Variants in PCDHGB2 observed in about 807,000 individuals in gnomAD.
The protein encoded by PCDHGB2 is protocadherin gamma subfamily B, 2.
PCDHGB2 carries 55 observed loss-of-function variants against 59.3 expected under a neutral mutation model. The observed-to-expected ratio is 0.93, with a 90% confidence interval of 0.75 to 1.16. The LOEUF is 1.16. PCDHGB2 is among the 50% of genes most tolerant of loss of function. The pLI is 0.00. For missense variants in PCDHGB2, 1,228 were observed against 1,198.5 expected (o/e 1.02, Z -0.36); for synonymous variants, 516 against 512.0 (o/e 1.01, Z -0.11).
In PCDHGB2 at chr5:141,432,262, A is replaced by G; in HGVS notation, c.2422-62545A>G. 1.9e-6 allele frequency: 3 copies of G among 1,614,222 alleles called. No homozygotes were observed. Among genetic ancestry groups the G allele is most frequent in the Non-Finnish European group, 2.5e-6 (3 of 1,180,036 alleles). On this transcript the variant is annotated intron_variant, in intron 1 of 3. Coordinates refer to ENST00000522605, the MANE Select transcript of PCDHGB2 (RefSeq NM_018923.3). This position sits in a 1 kb window ranked among gnomAD's most constrained non-coding sequence, Gnocchi z 6.0. ...AGAACACCATCCAAGGGGCAAGCCT[A>G]TCGTCCTACGTGTCCATCAACTCCG...
Position 141,489,662 on chromosome 5 carries a change from G to T in PCDHGB2, c.2422-5145G>T, listed in dbSNP as rs2233601. On this transcript the variant is annotated intron_variant, in intron 1 of 3. Transcript: ENST00000522605. The surrounding 1 kb of genome is among the most constrained non-coding windows in gnomAD (Gnocchi z 4.5). Reference sequence around the variant, plus strand: ...TTTGCCACCCCTGAGCGAGAGATGCGCATCTCAGAATCAGCAGCATCTGGG... The same window carrying T: ...TTTGCCACCCCTGAGCGAGAGATGCTCATCTCAGAATCAGCAGCATCTGGG... 2.5e-6 allele frequency: 4 copies of T among 1,614,024 alleles called. No homozygotes were observed. The African/African-American group carries it at 4.0e-5, about 16-fold the overall frequency.
intron 1 of PCDHGB2, chr5:141,419,208 C>G: frequency 5.6e-6 from 9 of 1,613,966 alleles, no homozygotes; most frequent in Non-Finnish European, 6.8e-6. Flanking sequence ...GACAACGCGC[C>G]GGTTTTCGGA....
At chr5:141,383,386 G>A in intron 1 of PCDHGB2, 1 of 1,614,000 alleles carries the variant, frequency 6.2e-7, no homozygotes. Context: ...TCCAGATGTG[G>A]GCACGAACTC....
In PCDHGB2 at chr5:141,370,188, T is replaced by G. The variant is rs1036214596; in HGVS notation, c.2421+7632T>G. ...AGAGGCGCCGGGTGCCGCTCTTGGCTAGTGCTGTGCAAAATATTGGCTCCT... is the reference window on the plus strand; with the variant it reads ...AGAGGCGCCGGGTGCCGCTCTTGGCGAGTGCTGTGCAAAATATTGGCTCCT... On this transcript the variant is annotated intron_variant, in intron 1 of 3. Transcript: ENST00000522605. 2.9e-4 allele frequency: 151 copies of G among 511,926 alleles called. 1 individual carries two copies. In the East Asian group the frequency reaches 4.2e-3, roughly 14 times the overall value. 31.7% of individuals were successfully genotyped at this position (511,926 alleles called of 1,614,324 possible).
chr5:141,394,276 C>T, intron 1 of PCDHGB2: 2 of 1,613,976 alleles, frequency 1.2e-6, no homozygotes, highest in South Asian at 1.1e-5. Flanking sequence ...GCCCAGGTCA[C>T]TTACTCTGTG....
chr5:141,417,533 A>T (rs1253836392), intron 1 of PCDHGB2: 3 of 274,888 alleles, frequency 1.1e-5, no homozygotes, highest in African/African-American at 2.2e-5. Context: ...CTCGTAGTTT[A>T]AAAAAAATTC....
chr5:141,384,259 C>T, intron 1 of PCDHGB2: 2 of 1,613,886 alleles, frequency 1.2e-6, no homozygotes, highest in African/African-American at 1.3e-5. Flanking sequence ...CACCTTCCCC[C>T]ACTCATCCTA....
At chr5:141,371,656 C>G (rs772257649) in intron 1 of PCDHGB2, 2 of 1,614,004 alleles carry the variant, frequency 1.2e-6, no homozygotes, top group Non-Finnish European at 1.7e-6. Flanking sequence ...TACAATGTGA[C>G]GATCACAGCT....
chr5:141,446,639 G>T (rs1461520959), intron 1 of PCDHGB2, among the ~76,000 whole-genome samples: 7 of 152,116 alleles, frequency 4.6e-5, no homozygotes, highest in Non-Finnish European at 8.8e-5. Flanking sequence ...ACCACGCCTG[G>T]CTAATTTTTG....
chr5:141,394,347 G>A lies in PCDHGB2; in HGVS notation c.2421+31791G>A, dbSNP rs770737407. 1.9e-6 allele frequency: 3 copies of A among 1,614,118 alleles called. No homozygotes were observed. The South Asian group carries it at 3.3e-5, about 18-fold the overall frequency. On this transcript the variant is annotated intron_variant, in intron 1 of 3. Coordinates refer to ENST00000522605, the MANE Select transcript of PCDHGB2 (RefSeq NM_018923.3). ...GTATATCTCCATCAACTCTGACACC[G>A]GTGTCCTGTATGCGCTGCAATCTTT...
Position 141,418,795 on chromosome 5 carries a change from A to G in PCDHGB2, c.2421+56239A>G, listed in dbSNP as rs373690093. The G allele has an allele frequency of 6.8e-6, 11 of 1,613,740 alleles. No homozygotes were observed. The African/African-American group carries it at 1.5e-4, about 22-fold the overall frequency. On this transcript the variant is annotated intron_variant, in intron 1 of 3. Transcript: ENST00000522605. Reference sequence around the variant, plus strand: ...AGCAGCCTTTGGATTTTGAAGAAGTAGAAAGATATACGATAAACATAGAAG... The same window carrying G: ...AGCAGCCTTTGGATTTTGAAGAAGTGGAAAGATATACGATAAACATAGAAG...
rs2094486958 is a variant in PCDHGB2, at chr5:141,404,117, A to C, written c.2421+41561A>C. 3 of 1,613,468 alleles carry C rather than the reference A, an allele frequency of 1.9e-6. No homozygotes were observed. Among genetic ancestry groups the C allele is most frequent in the Non-Finnish European group, 1.7e-6 (2 of 1,179,548 alleles). On this transcript the variant is annotated intron_variant, in intron 1 of 3. Coordinates refer to ENST00000522605, the MANE Select transcript of PCDHGB2 (RefSeq NM_018923.3). ...TCAAGTTGTCTGTTCTATCCAGGAG[A>C]ATCTATCTTTTACATTAGAAAATTC...
chr5:141,366,187 T>G (rs1297939104), intron 1 of PCDHGB2: 4 of 1,613,856 alleles, frequency 2.5e-6, no homozygotes, highest in African/African-American at 1.3e-5. Flanking sequence ...TCTTTGCGGT[T>G]GGGCTGCACA....
rs67622091 is a variant in PCDHGB2 at position 141,388,335 on chromosome 5, C to T, written c.2421+25779C>T. ...AAGTGAGTCTGCACAGCCTGGCACA[C>T]GATTTATATTAGGATCTGCCCATGA... On this transcript the variant is annotated intron_variant, in intron 1 of 3. Transcript: ENST00000522605. 13 of 1,613,842 alleles carry T rather than the reference C, an allele frequency of 8.1e-6. No homozygotes were observed. In the East Asian group the frequency reaches 1.8e-4, roughly 22 times the overall value.
At chr5:141,374,378 A>ACCCCCC (rs1425489237) in intron 1 of PCDHGB2, 1 of 1,614,038 alleles carries the variant, frequency 6.2e-7, no homozygotes, top group Admixed American at 1.7e-5. Context: ...CTGTGCTCAG[A>ACCCCCC]GCCCGCGGTG....
intron 1 of PCDHGB2, chr5:141,399,842 A>T (rs749737928): frequency 6.2e-7 from 1 of 1,612,970 alleles, no homozygotes; most frequent in South Asian, 1.1e-5. Context: ...GCGCTCTTCG[A>T]TATGGTGCCG....
At chr5:141,410,683 A>G (rs775289402) in intron 1 of PCDHGB2, 2 of 1,528,162 alleles carry the variant, frequency 1.3e-6, no homozygotes. Flanking sequence ...TATTTTAGGC[A>G]TACTACTTTA....
At chr5:141,488,159 C>T (rs888153570) in intron 1 of PCDHGB2, among the ~76,000 whole-genome samples, 1 of 152,126 alleles carries the variant, frequency 6.6e-6, no homozygotes, top group Non-Finnish European at 1.5e-5. Flanking sequence ...GAGAGGCACG[C>T]ATCAGAGTGG....
chr5:141,380,753 C>T (rs976627974), intron 1 of PCDHGB2, among the ~76,000 whole-genome samples: 2 of 152,104 alleles, frequency 1.3e-5, no homozygotes, highest in Non-Finnish European at 2.9e-5. Context: ...GGTACCAAGA[C>T]ACTATAAATT....
Sources: allele counts gnomAD v4.1 joint callset (sites outside exome capture counted in the v4.1 genomes callset), GRCh38; gene constraint gnomAD v4.1.1; non-coding constraint Gnocchi (gnomAD v3.1); transcripts MANE v1.5; gene names NCBI Gene and HGNC (gene_info 2026-07-23, HGNC 2026-07-21).